IL1RAPL1: variants seen among roughly 807,000 people sequenced by gnomAD.
IL1RAPL1 encodes interleukin 1 receptor accessory protein like 1, also known as interleukin-1 receptor accessory protein-like 1.
IL1RAPL1 carries 3 observed loss-of-function variants against 48.4 expected under a neutral mutation model. That is an observed-to-expected ratio of 0.06 (90% CI 0.03 to 0.16). The LOEUF (loss-of-function observed/expected upper bound fraction) is 0.16. Ranked by LOEUF, IL1RAPL1 falls within the 10% of genes least tolerant of loss-of-function variation. IL1RAPL1 has a pLI of 1.00. For missense variants in IL1RAPL1, 349 were observed against 530.6 expected (o/e 0.66, Z 3.36); for synonymous variants, 185 against 187.7 (o/e 0.99, Z 0.12).
intron 2 of IL1RAPL1, among the ~76,000 whole-genome samples, chrX:29,055,901 G>A (rs752883935): frequency 1.8e-5 from 2 of 111,561 alleles, no homozygotes; most frequent in Non-Finnish European, 3.8e-5. Flanking sequence ...TTTTAGGATA[G>A]ATTTAATCAT....
intron 2 of IL1RAPL1, among the ~76,000 whole-genome samples, chrX:29,179,332 C>T (rs1227472259): frequency 9.0e-6 from 1 of 111,288 alleles, no homozygotes. Context: ...AGTTGGATTC[C>T]TAGGTATTTT....
intron 2 of IL1RAPL1, among the ~76,000 whole-genome samples, chrX:28,875,627 G>A (rs997474328): frequency 6.3e-5 from 7 of 111,215 alleles, no homozygotes; most frequent in African/African-American, 2.3e-4. Flanking sequence ...TGGATTATGG[G>A]GGTGGATTTC....
chrX:28,699,842 GCTGGA>G (rs1419978553), intron 1 of IL1RAPL1, among the ~76,000 whole-genome samples: 2 of 111,822 alleles, frequency 1.8e-5, no homozygotes, highest in Non-Finnish European at 3.8e-5. Flanking sequence ...GGCCTTCACT[GCTGGA>G]CTGAGAGTCA....
chrX:29,794,372 T>G (rs1601825402), intron 6 of IL1RAPL1, among the ~76,000 whole-genome samples: 1 of 112,260 alleles, frequency 8.9e-6, no homozygotes, highest in East Asian at 2.8e-4. Flanking sequence ...AAAATTAACC[T>G]AGGCCAATTT....
chrX:28,848,083 A>G (rs899203555), intron 2 of IL1RAPL1, among the ~76,000 whole-genome samples: 8 of 111,413 alleles, frequency 7.2e-5, no homozygotes, highest in African/African-American at 2.6e-4. Context: ...CAAACACTGC[A>G]TGTTCTCACT....
At chrX:29,050,004 C>A (rs966615297) in intron 2 of IL1RAPL1, among the ~76,000 whole-genome samples, 1 of 112,176 alleles carries the variant, frequency 8.9e-6, no homozygotes, top group African/African-American at 3.2e-5. Context: ...ATCCATATTG[C>A]ATTTAATTGT....
chrX:29,506,423 TCTTCTC>T lies in IL1RAPL1; in HGVS notation c.703+107130_703+107135del, dbSNP rs1190548136. ...TGTTGATTTGATTTTCTCTTCTTCT[TCTTCTC>T]CTTCTCCTTCTCCTCCTCCTCCTCC... is the stretch of plus-strand genomic sequence containing the variant. On this transcript the variant is annotated intron_variant, in intron 5 of 10. Transcript: ENST00000378993. Among the ~76,000 whole-genome samples, 144 of 79,626 alleles carry T rather than the reference TCTTCTC, an allele frequency of 1.8e-3. 2 individuals are homozygous for T. Among genetic ancestry groups the T allele is most frequent in the African/African-American group, 3.9e-3 (89 of 22,650 alleles). 69.1% of individuals were successfully genotyped at this position (79,626 alleles called of 115,157 possible).
chrX:29,111,254 C>T (rs1300422638), intron 2 of IL1RAPL1, among the ~76,000 whole-genome samples: 1 of 111,672 alleles, frequency 9.0e-6, no homozygotes, highest in African/African-American at 3.3e-5. Context: ...TTGTCATTCT[C>T]TTCCTTTAAA....
chrX:28,641,260 T>C (rs1934537060), intron 1 of IL1RAPL1, among the ~76,000 whole-genome samples: 1 of 109,026 alleles, frequency 9.2e-6, no homozygotes, highest in Non-Finnish European at 1.9e-5. Context: ...TTCCCCTCCC[T>C]GTGTTCATAT....
intron 6 of IL1RAPL1, among the ~76,000 whole-genome samples, chrX:29,890,857 C>T (rs779353512): frequency 2.7e-5 from 3 of 112,024 alleles, no homozygotes; most frequent in Non-Finnish European, 5.6e-5. Context: ...TGAGGTCAGG[C>T]ATTGTGATCA....
At chrX:28,884,500 T>G (rs1002978887) in intron 2 of IL1RAPL1, among the ~76,000 whole-genome samples, 2 of 111,875 alleles carry the variant, frequency 1.8e-5, no homozygotes, top group African/African-American at 6.5e-5. Context: ...ATGAGGATTA[T>G]TAGCCTTGAC....
At chrX:29,706,260 A>G (rs1000636870) in intron 6 of IL1RAPL1, among the ~76,000 whole-genome samples, 2 of 111,871 alleles carry the variant, frequency 1.8e-5, no homozygotes, top group African/African-American at 6.5e-5. Context: ...AAATCATATC[A>G]TTCTGCCCCT....
intron 1 of IL1RAPL1, among the ~76,000 whole-genome samples, chrX:28,660,140 T>TGTGTGTGTGTG (rs1477990678): frequency 1.4e-4 from 12 of 85,123 alleles, no homozygotes; most frequent in East Asian, 6.8e-4. Context: ...TGTGTGTGTG[T>TGTGTGTGTGTG]TGGAGTTACT....
chrX:29,153,121 G>A (rs1929498278), intron 2 of IL1RAPL1, among the ~76,000 whole-genome samples: 2 of 111,169 alleles, frequency 1.8e-5, no homozygotes, highest in African/African-American at 3.3e-5. Flanking sequence ...TTATCTCTTG[G>A]CCCTCTTCCA....
intron 5 of IL1RAPL1, among the ~76,000 whole-genome samples, chrX:29,597,444 C>T (rs750733509): frequency 9.9e-5 from 11 of 111,617 alleles, no homozygotes; most frequent in African/African-American, 2.9e-4. Context: ...TGAGCCACCA[C>T]GCCCGGCCTT....
intron 6 of IL1RAPL1, among the ~76,000 whole-genome samples, chrX:29,760,269 T>A (rs1452133077): frequency 9.0e-6 from 1 of 111,093 alleles, no homozygotes. Flanking sequence ...ACCACTTCAT[T>A]AGTGATTATT....
chrX:29,310,325 C>T (rs748391945), intron 3 of IL1RAPL1, among the ~76,000 whole-genome samples: 17 of 108,565 alleles, frequency 1.6e-4, no homozygotes, highest in African/African-American at 5.7e-4. Context: ...CTTCTTTTCT[C>T]TTATATTAGT....
chrX:29,566,218 T>C (rs1398770281), intron 5 of IL1RAPL1, among the ~76,000 whole-genome samples: 3 of 111,815 alleles, frequency 2.7e-5, no homozygotes, highest in Non-Finnish European at 5.6e-5. Context: ...GGATTACAGG[T>C]GCGAGCCACC....
chrX:29,418,127 T>A (rs1198154021), intron 5 of IL1RAPL1, among the ~76,000 whole-genome samples: 13 of 72,817 alleles, frequency 1.8e-4, no homozygotes, highest in East Asian at 4.2e-4. Flanking sequence ...ATATATATAT[T>A]TTTTTTTTTT....
Sources: gnomAD v4.1 joint callset for allele counts (sites outside exome capture counted in the v4.1 genomes callset) on GRCh38, gnomAD v4.1.1 for gene constraint, MANE v1.5 for transcripts, NCBI Gene and HGNC (gene_info 2026-07-23, HGNC 2026-07-21) for gene names.